Variants in OAS1 observed in about 807,000 individuals in gnomAD.
OAS1 encodes the protein 2'-5'-oligoadenylate synthetase 1, also known as 2'-5'-oligoadenylate synthase 1.
Under a neutral mutation model 38.5 loss-of-function variants are expected in OAS1, and 24 were observed. The observed-to-expected ratio is 0.62, with a 90% CI of 0.45 to 0.88. The LOEUF is 0.88. Ranked by LOEUF, OAS1 falls within the 40% of genes least tolerant of loss-of-function variation. The pLI is 0.00. For synonymous variants in OAS1, 169 were observed against 193.9 expected (o/e 0.87, Z 1.07); for missense variants, 482 against 493.9 (o/e 0.98, Z 0.23).
At position 112,918,004 on chromosome 12, in the gene OAS1, C is replaced by A. The variant is rs746288713; in HGVS notation, c.1038+304C>A. ...TGTCCTAAGCCCTTTAATATGCACT[C>A]TCTCATTAAATAGTCACAACAATCC... On this transcript the variant is annotated intron_variant, in intron 5 of 5. Transcript: ENST00000202917. 9 of 1,146,846 alleles carry A rather than the reference C, an allele frequency of 7.8e-6. No individual in the cohort carries two copies. In the Admixed American group the frequency reaches 3.1e-4, roughly 40 times the overall value. The allele number at this position is 1,146,846 out of a possible 1,614,324, so 71.0% of individuals were successfully genotyped here.
At chr12:112,927,451 T>G (rs1362987048) in intron 6 of OAS1, among the ~76,000 whole-genome samples, 2 of 152,156 alleles carry the variant, frequency 1.3e-5, no homozygotes, top group African/African-American at 4.8e-5. Flanking sequence ...CTCCCTATTC[T>G]CAGCCATGTG....
At chr12:112,909,572 G>T (rs1441772615) in intron 2 of OAS1, among the ~76,000 whole-genome samples, 1 of 152,150 alleles carries the variant, frequency 6.6e-6, no homozygotes, top group Admixed American at 6.5e-5. Context: ...GAGACTGAAC[G>T]ATCACATGAG....
chr12:112,910,499 C>T (rs1275819912), intron 2 of OAS1, among the ~76,000 whole-genome samples: 1 of 152,060 alleles, frequency 6.6e-6, no homozygotes, highest in African/African-American at 2.4e-5. Flanking sequence ...GGGAGGGTCC[C>T]TGAGCCTGAG....
intron 6 of OAS1, chr12:112,931,785 G>A (rs759895771): frequency 2.3e-5 from 13 of 573,806 alleles, no homozygotes; most frequent in Non-Finnish European, 3.7e-5. Context: ...CTGCCAGAGT[G>A]GAGATGCTTC....
At chr12:112,929,034 A>G (rs1384957206) in intron 6 of OAS1, among the ~76,000 whole-genome samples, 1 of 152,030 alleles carries the variant, frequency 6.6e-6, no homozygotes, top group African/African-American at 2.4e-5. Context: ...CCTCATCTAG[A>G]TTTCTGTACC....
chr12:112,916,687 T>G lies in OAS1; in HGVS notation c.833T>G (p.Phe278Cys). 3.7e-6 allele frequency: 6 copies of G among 1,614,118 alleles called. No homozygotes were observed. The highest frequency in any genetic ancestry group is 5.1e-6 in the Non-Finnish European group (6 of 1,180,020). The change falls in exon 4 of 6, where the codon TTT becomes TGT. Residue 278 changes from phenylalanine (F) to cysteine (C), a missense_variant. Coordinates refer to ENST00000202917, the MANE Select transcript of OAS1 (RefSeq NM_016816.4). The part of the protein sequence containing the change: ...LCIYWTKYYD[F>C]KNPIIEKYLR... Reference sequence around the variant, plus strand: ...ATCTACTGGACAAAGTATTATGACTTTAAAAACCCCATTATTGAAAAGTAC... The same window carrying G: ...ATCTACTGGACAAAGTATTATGACTGTAAAAACCCCATTATTGAAAAGTAC...
In OAS1 at chr12:112,907,111, G is replaced by A; in HGVS notation, c.72G>A (p.Thr24=). Residue 24 remains threonine, a synonymous_variant, in exon 1 of 6, where the codon ACG becomes ACA. Transcript: ENST00000202917. ...TTGAAGACTATCTCTTGCCAGACAC[G>A]TGTTTCCGCATGCAAATCAACCATG... is the stretch of plus-strand genomic sequence containing the variant. The part of the protein sequence containing the change: ...KFIEDYLLPD[T]CFRMQINHAI... The A allele has an allele frequency of 6.8e-6, 11 of 1,614,204 alleles. No individual in the cohort carries two copies. The highest frequency in any genetic ancestry group is 9.3e-6 in the Non-Finnish European group (11 of 1,180,036).
In OAS1 at chr12:112,916,682, T is replaced by C. The variant is rs945834498; in HGVS notation, c.828T>C (p.Tyr276=). The change falls in exon 4 of 6, where the codon TAT becomes TAC. Residue 276 remains tyrosine (Y), a synonymous_variant. Transcript: ENST00000202917. ...TCTGCATCTACTGGACAAAGTATTA[T>C]GACTTTAAAAACCCCATTATTGAAA... ...QQLCIYWTKY[Y]DFKNPIIEKY... 10 of 1,614,190 alleles carry C rather than the reference T, an allele frequency of 6.2e-6. 1 individual carries two copies. The highest frequency in any genetic ancestry group is 7.6e-6 in the Non-Finnish European group (9 of 1,180,034).
intron 6 of OAS1, among the ~76,000 whole-genome samples, chr12:112,929,580 C>A (rs935780013): frequency 3.3e-5 from 5 of 152,132 alleles, no homozygotes; most frequent in Non-Finnish European, 5.9e-5. Context: ...AGGTGCTGTC[C>A]CAAACACTTT....
In OAS1 at chr12:112,919,871, T is replaced by C. The variant is rs1354900083; in HGVS notation, c.*318T>C. The C allele has an allele frequency of 1.3e-6, 1 of 799,790 alleles. No homozygotes were observed. Among genetic ancestry groups the C allele is most frequent in the Non-Finnish European group, 1.9e-6 (1 of 527,154 alleles). The allele number at this position is 799,790 out of a possible 1,614,324, so 49.5% of individuals were successfully genotyped here. A position where few individuals can be genotyped will look rare whatever the true frequency, so the allele number is the denominator to read the frequency against. ...TGATGGGAGGGTAATGTCTAATGTA[T>C]TATCAATAACAATAAAAATAAAGCA... On this transcript the variant is annotated 3_prime_UTR_variant, in exon 6 of 6. Coordinates refer to ENST00000202917, the MANE Select transcript of OAS1 (RefSeq NM_016816.4).
intron 3 of OAS1, among the ~76,000 whole-genome samples, chr12:112,912,592 A>G (rs2043400314): frequency 6.6e-6 from 1 of 152,236 alleles, no homozygotes; most frequent in South Asian, 2.1e-4. Context: ...GAATTTACAA[A>G]AGCAGTTCCT....
intron 6 of OAS1, among the ~76,000 whole-genome samples, chr12:112,930,739 G>A (rs950554262): frequency 1.3e-5 from 2 of 152,248 alleles, no homozygotes; most frequent in Non-Finnish European, 2.9e-5. Context: ...CAAAATCAGG[G>A]TTCATTTTAA....
rs552371301 is a variant in OAS1, at chr12:112,928,644, C to T, written c.1168-3234C>T. Among the ~76,000 whole-genome samples, 7 of 152,324 alleles carry T rather than the reference C, an allele frequency of 4.6e-5. No homozygotes were observed. In the East Asian group the frequency reaches 1.4e-3, roughly 29 times the overall value. Reference sequence around the variant, plus strand: ...ATGGGCTTTGGAGATGGCAGAAGCACAAGCGAGTAAACAGAGACACATGAA... The same window carrying T: ...ATGGGCTTTGGAGATGGCAGAAGCATAAGCGAGTAAACAGAGACACATGAA... On this transcript the variant is annotated intron_variant, in intron 6 of 6. Coordinates refer to the OAS1 transcript ENST00000540589.
intron 1 of OAS1, 123 bp downstream of exon 1, chr12:112,907,342 G>A: frequency 1.2e-6 from 1 of 847,648 alleles, no homozygotes; most frequent in Non-Finnish European, 1.9e-6. Flanking sequence ...TGTGAGTACA[G>A]AGAGCTGAGA....
intron 1 of OAS1, 96 bp from the exon 2 acceptor site, chr12:112,908,440 G>T: frequency 1.7e-6 from 2 of 1,172,998 alleles, no homozygotes. Flanking sequence ...CAGAACAGTG[G>T]CTAGTGCTCC....
At chr12:112,920,610 C>T (rs758941034), downstream of OAS1, among the ~76,000 whole-genome samples, 18 of 152,252 alleles carry the variant, frequency 1.2e-4, no homozygotes, top group African/African-American at 3.1e-4. Flanking sequence ...ATTAAAGATT[C>T]GACTATACTG....
intron 3 of OAS1, among the ~76,000 whole-genome samples, chr12:112,912,091 A>C (rs1245058884): frequency 1.3e-5 from 2 of 152,220 alleles, no homozygotes; most frequent in African/African-American, 4.8e-5. Context: ...TAATCCCAGC[A>C]CTTTGGGAAG....
downstream of OAS1, among the ~76,000 whole-genome samples, chr12:112,923,617 C>T (rs1472691754): frequency 6.6e-6 from 1 of 152,068 alleles, no homozygotes; most frequent in Admixed American, 6.5e-5. Flanking sequence ...GAGATTAACC[C>T]TTATTAGATG....
At chr12:112,929,086 C>T (rs2136334351) in intron 6 of OAS1, among the ~76,000 whole-genome samples, 1 of 152,188 alleles carries the variant, frequency 6.6e-6, no homozygotes, top group East Asian at 1.9e-4. Context: ...GCCAGAGGGC[C>T]CTGTGAGACA....
Sources: gnomAD v4.1 joint callset for allele counts (sites outside exome capture counted in the v4.1 genomes callset) on GRCh38, gnomAD v4.1.1 for gene constraint, MANE v1.5 for transcripts, NCBI Gene and HGNC (gene_info 2026-07-23, HGNC 2026-07-21) for gene names.